ZNF536: variants seen among roughly 807,000 people sequenced by gnomAD.
The protein encoded by ZNF536 is zinc finger protein 536.
ZNF536 carries 13 observed loss-of-function variants against 84.5 expected under a neutral mutation model. That is an observed-to-expected ratio of 0.15 (90% CI 0.10 to 0.24). ZNF536 has a LOEUF of 0.24. Among genes scored for constraint, ZNF536 ranks in the 10% least tolerant of loss-of-function variants. The pLI, the probability that ZNF536 is intolerant of heterozygous loss-of-function variation, is 1.00. For missense variants in ZNF536, 1,536 were observed against 1,747.5 expected, an observed-to-expected ratio of 0.88 and a Z score of 2.16; for synonymous variants, 811 against 742.5, an observed-to-expected ratio of 1.09 and a Z score of -1.50.
chr19:30,675,358 C>A lies in ZNF536; in HGVS notation c.170-35399C>A, dbSNP rs561776533. Among the ~76,000 whole-genome samples the A allele has an allele frequency of 3.3e-5, 5 of 152,234 alleles. No individual in the cohort carries two copies. The East Asian group carries it at 9.7e-4, about 29-fold the overall frequency. ...ACCTGATGGACCCCTCAAAGGTGTC[C>A]GTTGCTCTATGGCCAGTGAGCAGAG... On this transcript the variant is annotated intron_variant, in intron 1 of 1. Coordinates refer to the ZNF536 transcript ENST00000592773.
chr19:30,461,264 C>T (rs2053121766), intron 2 of ZNF536, among the ~76,000 whole-genome samples: 1 of 152,198 alleles, frequency 6.6e-6, no homozygotes, highest in Non-Finnish European at 1.5e-5. Context: ...GAACCCACCT[C>T]TGTGTGACCT....
chr19:30,415,328 TTCCTCTTCTTCTTCTTCG>T (rs1291391391), intron 1 of ZNF536, among the ~76,000 whole-genome samples: 1 of 147,504 alleles, frequency 6.8e-6, no homozygotes, highest in Non-Finnish European at 1.5e-5. Context: ...CTTCTTCTTC[TTCCTCTTCTTCTTCTTCG>T]TCCTCTTCCT....
intron 2 of ZNF536, among the ~76,000 whole-genome samples, chr19:30,334,033 A>G (rs1387956393): frequency 6.6e-6 from 1 of 152,204 alleles, no homozygotes; most frequent in East Asian, 1.9e-4. Context: ...AGTGTCTGCA[A>G]AAGCAAGCTG....
chr19:30,400,791 T>A (rs1056687558), intron 1 of ZNF536, among the ~76,000 whole-genome samples: 1 of 152,196 alleles, frequency 6.6e-6, no homozygotes, highest in Non-Finnish European at 1.5e-5. Context: ...TTGCAAACAT[T>A]TTCCCCTAGT....
chr19:30,558,527 T>A (rs1489952108), downstream of ZNF536, among the ~76,000 whole-genome samples: 4 of 152,206 alleles, frequency 2.6e-5, no homozygotes, highest in African/African-American at 9.7e-5. Context: ...AGGGGTAGTT[T>A]GTAATGAAGA....
intron 2 of ZNF536, among the ~76,000 whole-genome samples, chr19:30,498,939 G>T (rs1043972476): frequency 9.2e-5 from 14 of 152,106 alleles, no homozygotes; most frequent in Non-Finnish European, 1.6e-4. Context: ...CAGCTGAATC[G>T]TCACTGCTGT....
At chr19:30,677,844 T>A (rs1016394724) in intron 1 of ZNF536, among the ~76,000 whole-genome samples, 1 of 152,026 alleles carries the variant, frequency 6.6e-6, no homozygotes, top group African/African-American at 2.4e-5. Context: ...GACTTGGTGA[T>A]CCCTGAATGG....
chr19:30,493,670 A>G (rs1372768225), intron 2 of ZNF536, among the ~76,000 whole-genome samples: 1 of 152,162 alleles, frequency 6.6e-6, no homozygotes, highest in Non-Finnish European at 1.5e-5. Context: ...AGTAGATAAA[A>G]GTTTGGCCAT....
chr19:30,683,566 C>T (rs538871238), intron 1 of ZNF536, among the ~76,000 whole-genome samples: 91 of 150,446 alleles, frequency 6.0e-4, no homozygotes, highest in African/African-American at 2.0e-3. Flanking sequence ...TTTTTTTTCT[C>T]TTTTTCCCTC....
intron 1 of ZNF536, among the ~76,000 whole-genome samples, chr19:30,229,773 G>T (rs2022893794): frequency 6.6e-6 from 1 of 152,176 alleles, no homozygotes; most frequent in African/African-American, 2.4e-5. Flanking sequence ...CTGACGTCCT[G>T]CTCCCTGACA....
chr19:30,630,640 C>T lies in ZNF536; in HGVS notation c.170-80117C>T, dbSNP rs1438840808. On this transcript the variant is annotated intron_variant, in intron 1 of 1. Transcript: ENST00000592773. ...AAAATCCTCTGTTCTCCAGAAAGCC[C>T]TCCTTGGCACAGCCGACCTCCCTTC... Among the ~76,000 whole-genome samples the T allele has an allele frequency of 1.3e-5, 2 of 152,224 alleles. 1 individual carries two copies. The highest frequency in any genetic ancestry group is 2.9e-5 in the Non-Finnish European group (2 of 68,038).
chr19:30,408,207 G>A (rs2050343197), intron 1 of ZNF536, among the ~76,000 whole-genome samples: 1 of 152,202 alleles, frequency 6.6e-6, no homozygotes, highest in South Asian at 2.1e-4. Flanking sequence ...TGGGTTTGTG[G>A]TGATTGAATC....
intron 2 of ZNF536, among the ~76,000 whole-genome samples, chr19:30,465,087 C>A (rs549227250): frequency 1.3e-5 from 2 of 152,128 alleles, no homozygotes; most frequent in Non-Finnish European, 2.9e-5. Flanking sequence ...ACTTCCCATT[C>A]ATGAAGTACG....
intron 1 of ZNF536, among the ~76,000 whole-genome samples, chr19:30,630,868 T>C (rs150705240): frequency 6.6e-6 from 1 of 152,318 alleles, no homozygotes; most frequent in African/African-American, 2.4e-5. Flanking sequence ...ATCACATTTA[T>C]TGAGACCTTC....
intron 1 of ZNF536, among the ~76,000 whole-genome samples, chr19:30,595,304 A>T (rs1292022622): frequency 6.6e-6 from 1 of 151,924 alleles, no homozygotes; most frequent in Non-Finnish European, 1.5e-5. Flanking sequence ...ATTATTTTTT[A>T]AGAGATAGAG....
intron 1 of ZNF536, among the ~76,000 whole-genome samples, chr19:30,679,199 C>A (rs2050871994): frequency 6.6e-6 from 1 of 152,156 alleles, no homozygotes; most frequent in Non-Finnish European, 1.5e-5. Context: ...ATCCAGGCAC[C>A]AGCCCGATTT....
chr19:30,432,006 T>TATATATATATATATATACAC (rs149223384), intron 1 of ZNF536, among the ~76,000 whole-genome samples: 30 of 146,080 alleles, frequency 2.1e-4, no homozygotes, highest in African/African-American at 5.4e-4. Flanking sequence ...TATATATATA[T>TATATATATATATATATACAC]ACACACACAC....
At chr19:30,246,534 C>T (rs1429468336) in intron 1 of ZNF536, among the ~76,000 whole-genome samples, 1 of 152,186 alleles carries the variant, frequency 6.6e-6, no homozygotes, top group African/African-American at 2.4e-5. Flanking sequence ...TGTTCTTTTT[C>T]TTCCCATAGT....
intron 1 of ZNF536, among the ~76,000 whole-genome samples, chr19:30,608,774 G>A (rs1219351194): frequency 6.6e-6 from 1 of 152,190 alleles, no homozygotes; most frequent in Non-Finnish European, 1.5e-5. Flanking sequence ...GAAATCTCCT[G>A]TGATTCTTGC....
Sources: allele counts gnomAD v4.1 joint callset (sites outside exome capture counted in the v4.1 genomes callset), GRCh38; gene constraint gnomAD v4.1.1; transcripts MANE v1.5; gene names NCBI Gene and HGNC (gene_info 2026-07-23, HGNC 2026-07-21).